The following POLA1 variants were observed in gnomAD, a reference collection of about 807,000 sequenced individuals.
The protein encoded by POLA1 is DNA polymerase alpha 1, catalytic subunit, also known as DNA polymerase alpha catalytic subunit.
POLA1 carries 15 observed loss-of-function variants against 124.0 expected under a neutral mutation model. The ratio of observed to expected loss-of-function variants is 0.12; its 90% CI spans 0.08 to 0.19. POLA1 has a LOEUF of 0.19. Among genes scored for constraint, POLA1 ranks in the 10% least tolerant of loss-of-function variants. The pLI, the probability that POLA1 is intolerant of heterozygous loss-of-function variation, is 1.00. For missense variants in POLA1, 886 were observed against 1,103.4 expected (o/e 0.80, Z 2.79); for synonymous variants, 408 against 389.4 (o/e 1.05, Z -0.56).
At chrX:24,724,311 C>A in intron 11 of POLA1, 24 bp from the exon 12 acceptor site, 1 of 778,971 alleles carries the variant, frequency 1.3e-6, no homozygotes, top group Non-Finnish European at 1.9e-6. Flanking sequence ...TTTTTCCCCT[C>A]TGTCCCCTTC....
chrX:24,722,087 A>T (rs1930237538), intron 10 of POLA1, among the ~76,000 whole-genome samples: 1 of 111,788 alleles, frequency 8.9e-6, no homozygotes, highest in Admixed American at 9.5e-5. Context: ...TTCTACCAGG[A>T]TGTGTGAAAA....
At chrX:24,869,887 C>G (rs761896314) in intron 34 of POLA1, among the ~76,000 whole-genome samples, 1 of 112,002 alleles carries the variant, frequency 8.9e-6, no homozygotes, top group Non-Finnish European at 1.9e-5. Context: ...ATTCCCCAAG[C>G]GATGCTGTTG....
rs182866843 is a variant in POLA1 at position 24,780,578 on chromosome X, T to A, written c.2965-29320T>A. Among the ~76,000 whole-genome samples, 6 of 112,628 alleles carry A rather than the reference T, an allele frequency of 5.3e-5. No homozygotes were observed. In the Admixed American group the frequency reaches 5.6e-4, roughly 11 times the overall value. On this transcript the variant is annotated intron_variant, in intron 26 of 36. Transcript: ENST00000379068. Reference sequence around the variant, plus strand: ...TCATGAGATTTTTTTTGTTTTGTTCTGTTTTATTTTTTAGTTTGTTAATAT... The same window carrying A: ...TCATGAGATTTTTTTTGTTTTGTTCAGTTTTATTTTTTAGTTTGTTAATAT...
chrX:24,899,622 G>T (rs1215291976), intron 35 of POLA1, among the ~76,000 whole-genome samples: 1 of 111,879 alleles, frequency 8.9e-6, no homozygotes, highest in African/African-American at 3.3e-5. Flanking sequence ...GAGAGAAGGG[G>T]TGAAAACAGT....
At chrX:24,943,162 A>G (rs2047925478) in intron 36 of POLA1, among the ~76,000 whole-genome samples, 1 of 112,754 alleles carries the variant, frequency 8.9e-6, no homozygotes, top group African/African-American at 3.2e-5. Context: ...TAATGTAAGT[A>G]TTTTGACATG....
At chrX:24,766,478 C>T (rs1160857785) in intron 26 of POLA1, among the ~76,000 whole-genome samples, 1 of 111,989 alleles carries the variant, frequency 8.9e-6, no homozygotes, top group Non-Finnish European at 1.9e-5. Context: ...CTTTGGTTTT[C>T]AGATTTCTGA....
intron 4 of POLA1, among the ~76,000 whole-genome samples, chrX:24,709,498 C>G (rs1484184016): frequency 3.6e-5 from 4 of 109,734 alleles, no homozygotes; most frequent in East Asian, 3.0e-4. Context: ...TGACCCCCCC[C>G]ACCTCCCTCC....
intron 24 of POLA1, among the ~76,000 whole-genome samples, chrX:24,747,311 A>T (rs750706319): frequency 9.2e-6 from 1 of 108,776 alleles, no homozygotes; most frequent in East Asian, 2.9e-4. Flanking sequence ...GATTACAGGC[A>T]TGCGCCACCA....
intron 36 of POLA1, among the ~76,000 whole-genome samples, chrX:24,986,026 G>A (rs936383848): frequency 9.0e-6 from 1 of 111,629 alleles, no homozygotes; most frequent in African/African-American, 3.3e-5. Context: ...ACAAAAATTA[G>A]CTAGACGTGG....
At chrX:24,694,143 TC>T in intron 1 of POLA1, 139 bp downstream of exon 1, 1 of 618,067 alleles carries the variant, frequency 1.6e-6, no homozygotes, top group Non-Finnish European at 2.4e-6. Flanking sequence ...CCTTCTGGCG[TC>T]GGACCGGGCT....
At chrX:24,799,873 G>T (rs1278793389) in intron 26 of POLA1, among the ~76,000 whole-genome samples, 1 of 111,708 alleles carries the variant, frequency 9.0e-6, no homozygotes, top group Non-Finnish European at 1.9e-5. Flanking sequence ...CTGAGGCCTG[G>T]TGCATGCTTG....
In POLA1 at chrX:24,995,246, A is replaced by G. The variant is rs775078896; in HGVS notation, c.4262-559A>G. On this transcript the variant is annotated intron_variant, in intron 36 of 36. Transcript: ENST00000379068. ...AGTGTGGACAAAGAAGAGCAAAGAA[A>G]TCTTGGCCATGGACAGACAGGTGCC... 3.6e-5 allele frequency among the ~76,000 whole-genome samples: 4 copies of G among 111,082 alleles called. No individual in the cohort carries two copies. The South Asian group carries it at 1.5e-3, about 43-fold the overall frequency.
At chrX:24,861,164 C>T (rs1283391545) in intron 34 of POLA1, among the ~76,000 whole-genome samples, 1 of 112,149 alleles carries the variant, frequency 8.9e-6, no homozygotes, top group Non-Finnish European at 1.9e-5. Flanking sequence ...AGGGTTTCCA[C>T]TCCCTTTGCC....
chrX:24,874,527 A>AT (rs1404243678), intron 34 of POLA1, among the ~76,000 whole-genome samples: 1 of 112,049 alleles, frequency 8.9e-6, no homozygotes, highest in African/African-American at 3.2e-5. Flanking sequence ...TTGAGAGATA[A>AT]TTTTTTAAGT....
At chrX:24,827,979 G>C (rs2046200556) in intron 32 of POLA1, among the ~76,000 whole-genome samples, 1 of 111,799 alleles carries the variant, frequency 8.9e-6, no homozygotes, top group Admixed American at 9.5e-5. Context: ...GTATGTTTCT[G>C]AGCTCCTCCC....
At chrX:24,921,496 A>C (rs1483084396) in intron 35 of POLA1, among the ~76,000 whole-genome samples, 4 of 112,415 alleles carry the variant, frequency 3.6e-5, no homozygotes, top group Non-Finnish European at 7.5e-5. Context: ...AAGCTTCTGC[A>C]ATCTTTCAGT....
chrX:24,822,670 G>A (rs1569326651), intron 31 of POLA1, among the ~76,000 whole-genome samples: 1 of 112,271 alleles, frequency 8.9e-6, no homozygotes, highest in Non-Finnish European at 1.9e-5. Flanking sequence ...AATTCCTGCA[G>A]GAAAATATTT....
chrX:24,826,487 G>C lies in POLA1; in HGVS notation c.3622G>C (p.Asp1208His), dbSNP rs41548013. Residue 1208 changes from aspartate to histidine, a missense_variant, in exon 32 of 37, where the codon GAT becomes CAT. Asp to His is a moderately conservative substitution (Grantham distance 81). Coordinates refer to ENST00000379068, the MANE Select transcript of POLA1 (RefSeq NM_001330360.2). ...TGCGCCTGAGCAGCTGCAGAAACAG[G>C]ATAATCTAACCATTGACACCCAGTA... ...AYAPEQLQKQDNLTIDTQYYL... is the reference protein window; with the variant it reads ...AYAPEQLQKQHNLTIDTQYYL... 8,491 of 1,204,526 alleles carry C rather than the reference G, an allele frequency of 7.0e-3. 32 individuals carry two copies. The highest frequency in any genetic ancestry group is 8.8e-3 in the Non-Finnish European group (7,826 of 891,020).
In POLA1 at chrX:24,826,427, G is replaced by A. The variant is rs763339928; in HGVS notation, c.3562G>A (p.Asp1188Asn). ...GTCTTTTTATCATATCTTCTTTTAG[G>A]ATGGATCAAACCTCACTGCAAGTCA... is the stretch of plus-strand genomic sequence containing the variant. ...GDTVSYVICQDGSNLTASQRA... is the reference protein window; with the variant it reads ...GDTVSYVICQNGSNLTASQRA... Residue 1188 changes from aspartate (D) to asparagine (N), a missense_variant and splice_region_variant, in exon 32 of 37, where the codon GAT (aspartate) becomes AAT (asparagine). By Grantham distance (23) the Asp-to-Asn change is conservative. Coordinates refer to ENST00000379068, the MANE Select transcript of POLA1 (RefSeq NM_001330360.2). The A allele has an allele frequency of 1.9e-5, 23 of 1,181,625 alleles. No individual in the cohort carries two copies. The highest frequency in any genetic ancestry group is 1.1e-6 in the Non-Finnish European group (1 of 879,336).
Sources: gnomAD v4.1 joint callset for allele counts (sites outside exome capture counted in the v4.1 genomes callset) on GRCh38, gnomAD v4.1.1 for gene constraint, MANE v1.5 for transcripts, NCBI Gene and HGNC (gene_info 2026-07-23, HGNC 2026-07-21) for gene names.